Variants in DYSF observed in about 807,000 individuals in gnomAD.
DYSF encodes dysferlin, also known as dystrophy-associated fer-1-like 1.
A neutral mutation model predicts 274.9 loss-of-function variants in DYSF; 212 were observed. The observed-to-expected ratio is 0.77, with a 90% CI of 0.69 to 0.86. The LOEUF is 0.86. Among genes scored for constraint, DYSF ranks in the 40% least tolerant of loss-of-function variants. DYSF has a pLI of 0.00. For missense variants in DYSF, 2,666 were observed against 2,783.2 expected (o/e 0.96, Z 0.95); for synonymous variants, 1,091 against 1,078.7 (o/e 1.01, Z -0.22).
At chr2:71,486,992 T>C (rs1233169667) in intron 3 of DYSF, among the ~76,000 whole-genome samples, 1 of 152,166 alleles carries the variant, frequency 6.6e-6, no homozygotes, top group African/African-American at 2.4e-5. Flanking sequence ...CTGGGCAGCT[T>C]TTACACCCAC....
Position 71,513,875 on chromosome 2 carries a change from C to A in DYSF, c.713C>A (p.Ala238Glu). Residue 238 changes from alanine (A) to glutamate (E), a missense_variant, in exon 7 of 56, where the codon GCG (alanine) becomes GAG (glutamate). Transcript: ENST00000410020. Reference protein sequence around the residue: ...HYPGIKRKRSAPTSRKLLSDK... With the variant: ...HYPGIKRKRSEPTSRKLLSDK... ...CCCGGGATCAAAAGAAAGCGAAGTG[C>A]GCCTACATCTAGAAAGCTGCTGTCA... is the stretch of plus-strand genomic sequence containing the variant. 6.2e-7 allele frequency: 1 copy of A among 1,614,216 alleles called. No individual in the cohort carries two copies. The highest frequency in any genetic ancestry group is 8.5e-7 in the Non-Finnish European group (1 of 1,180,040).
intron 39 of DYSF, 149 bp from the exon 40 acceptor site, chr2:71,613,185 T>C (rs1280565004): frequency 1.4e-5 from 10 of 726,882 alleles, no homozygotes; most frequent in South Asian, 1.2e-4. Flanking sequence ...GAGGGACTTA[T>C]TGGGAAGTAG....
intron 55 of DYSF, among the ~76,000 whole-genome samples, chr2:71,683,809 C>T (rs1483329805): frequency 6.6e-6 from 1 of 152,250 alleles, no homozygotes; most frequent in Non-Finnish European, 1.5e-5. Context: ...CTCTGTGAGT[C>T]CTCCAGGAGG....
At chr2:71,464,033 C>T (rs1028727076), upstream of DYSF, among the ~76,000 whole-genome samples, 3 of 152,186 alleles carry the variant, frequency 2.0e-5, no homozygotes, top group African/African-American at 4.8e-5. Flanking sequence ...CAGGCTCAGA[C>T]TCTCCTCTCT....
chr2:71,611,239 C>A lies in DYSF; in HGVS notation c.3958-6C>A, dbSNP rs568840196. On this transcript the variant is annotated splice_polypyrimidine_tract_variant and splice_region_variant and intron_variant, in intron 36 of 55. Transcript: ENST00000410020. Reference sequence around the variant, plus strand: ...TTGTCTCCATTCTACCTGCTGTCCACTGCAGTCTGAGGACACAGACCTGCC... The same window carrying A: ...TTGTCTCCATTCTACCTGCTGTCCAATGCAGTCTGAGGACACAGACCTGCC... 7 of 1,607,132 alleles carry A rather than the reference C, an allele frequency of 4.4e-6. No homozygotes were observed. Among genetic ancestry groups the A allele is most frequent in the Non-Finnish European group, 6.0e-6 (7 of 1,173,740 alleles).
At chr2:71,473,249 C>G (rs2082163673) in intron 1 of DYSF, among the ~76,000 whole-genome samples, 1 of 152,238 alleles carries the variant, frequency 6.6e-6, no homozygotes. Context: ...AGAGGTAATA[C>G]AGGCCTTCCT....
intron 13 of DYSF, among the ~76,000 whole-genome samples, chr2:71,527,832 G>A (rs1275818809): frequency 6.6e-6 from 1 of 151,780 alleles, no homozygotes. Context: ...AATGGTTTGG[G>A]GCAGCATAGA....
In DYSF at chr2:71,561,905, G is replaced by A. The variant is rs553605812; in HGVS notation, c.2370G>A (p.Ala790=). 2.2e-5 allele frequency: 35 copies of A among 1,614,014 alleles called. No individual in the cohort carries two copies. In the Middle Eastern group the frequency reaches 6.6e-4, roughly 30 times the overall value. ...AGCTCCCTGCAGCTCTGGAGCAGGCGGAGGACTGGCTCCTGCGTCTGCGTG... is the reference window on the plus strand; with the variant it reads ...AGCTCCCTGCAGCTCTGGAGCAGGCAGAGGACTGGCTCCTGCGTCTGCGTG... ...HSELPAALEQ[A]EDWLLRLRAL... Residue 790 remains alanine, a synonymous_variant, in exon 23 of 56, where the codon GCG becomes GCA. Transcript: ENST00000410020.
At chr2:71,668,945 G>A (rs929897495) in intron 49 of DYSF, 103 bp downstream of exon 49, 5 of 1,379,810 alleles carry the variant, frequency 3.6e-6, no homozygotes, top group Middle Eastern at 1.8e-4. Flanking sequence ...CGGGCTTCAG[G>A]CTATTTGGGC....
intron 32 of DYSF, among the ~76,000 whole-genome samples, chr2:71,596,467 G>A (rs934504160): frequency 1.4e-4 from 21 of 152,190 alleles, no homozygotes; most frequent in African/African-American, 2.4e-4. Context: ...ATCGGAATGC[G>A]CCCTCCTTTC....
intron 3 of DYSF, among the ~76,000 whole-genome samples, chr2:71,490,800 G>T (rs1167790963): frequency 6.6e-6 from 1 of 152,078 alleles, no homozygotes; most frequent in Admixed American, 6.6e-5. Flanking sequence ...TTTTTAAATG[G>T]TTATGTGGTA....
chr2:71,526,143 C>T (rs1284367896), intron 12 of DYSF, 77 bp from the exon 13 acceptor site: 24 of 1,612,710 alleles, frequency 1.5e-5, no homozygotes, highest in Non-Finnish European at 2.0e-5. Context: ...TGTGGCGAAG[C>T]TGGAACTCTT....
intron 41 of DYSF, among the ~76,000 whole-genome samples, chr2:71,622,240 G>A (rs2094124552): frequency 6.8e-6 from 1 of 146,548 alleles, no homozygotes; most frequent in Non-Finnish European, 1.5e-5. Flanking sequence ...TGGAATATAT[G>A]TTTTCCTCAT....
chr2:71,460,246 C>T (rs1028711704), intron 1 of DYSF, among the ~76,000 whole-genome samples: 2 of 152,156 alleles, frequency 1.3e-5, no homozygotes, highest in Admixed American at 6.5e-5. Flanking sequence ...TCCATGATGG[C>T]GCACGCCTCT....
chr2:71,478,428 G>C (rs997393329), intron 1 of DYSF, among the ~76,000 whole-genome samples: 6 of 151,834 alleles, frequency 4.0e-5, no homozygotes, highest in African/African-American at 1.5e-4. Flanking sequence ...AGCCAGGATG[G>C]TCTCAATCTC....
chr2:71,631,883 G>C (rs1258457657), intron 41 of DYSF, among the ~76,000 whole-genome samples: 1 of 152,068 alleles, frequency 6.6e-6, no homozygotes, highest in Non-Finnish European at 1.5e-5. Flanking sequence ...GGTGAAACTT[G>C]TCTGGCAAAC....
chr2:71,613,208 A>G (rs2093805641), intron 39 of DYSF, 126 bp from the exon 40 acceptor site: 1 of 811,776 alleles, frequency 1.2e-6, no homozygotes, highest in East Asian at 2.7e-5. Flanking sequence ...AGAGAGAGAT[A>G]CCGACTGAGA....
At chr2:71,628,417 CTT>C (rs34986238) in intron 41 of DYSF, among the ~76,000 whole-genome samples, 5 of 148,568 alleles carry the variant, frequency 3.4e-5, no homozygotes, top group Admixed American at 1.3e-4. Context: ...TTCACATTTA[CTT>C]TTTTTTTTTA....
At chr2:71,517,153 A>C (rs1183804227) in intron 10 of DYSF, 114 bp downstream of exon 10, 1 of 1,055,588 alleles carries the variant, frequency 9.5e-7, no homozygotes, top group African/African-American at 1.6e-5. Context: ...CTTTGGGAAA[A>C]TATAATTTCA....
Sources: gnomAD v4.1 joint callset for allele counts (sites outside exome capture counted in the v4.1 genomes callset) on GRCh38, gnomAD v4.1.1 for gene constraint, MANE v1.5 for transcripts, NCBI Gene and HGNC (gene_info 2026-07-23, HGNC 2026-07-21) for gene names.